HSPB1: variants seen among roughly 807,000 people sequenced by gnomAD.
The protein encoded by HSPB1 is heat shock protein family B (small) member 1.
HSPB1 carries 19 observed loss-of-function variants against 17.0 expected under a neutral mutation model. The ratio of observed to expected loss-of-function variants is 1.12; its 90% CI spans 0.78 to 1.64. The LOEUF is 1.64. HSPB1 is among the 40% of genes most tolerant of loss of function. The probability of loss-of-function intolerance (pLI) is 0.00; values close to 1 mark genes in which losing one functional copy is unlikely to be tolerated. For missense variants in HSPB1, 348 were observed against 289.2 expected, an observed-to-expected ratio of 1.20 and a Z score of -1.47; for synonymous variants, 165 against 129.8, an observed-to-expected ratio of 1.27 and a Z score of -1.84.
Position 76,304,184 on chromosome 7 carries a change from C to G in HSPB1, c.*11C>G. On this transcript the variant is annotated 3_prime_UTR_variant, in exon 3 of 3. Coordinates refer to ENST00000248553, the MANE Select transcript of HSPB1 (RefSeq NM_001540.5). ...ACTGCCGCCAAGTAAAGCCTTAGCC[C>G]GGATGCCCACCCCTGCTGCCGCCAC... 1.9e-6 allele frequency: 3 copies of G among 1,604,542 alleles called. No individual in the cohort carries two copies. Among genetic ancestry groups the G allele is most frequent in the Non-Finnish European group, 2.6e-6 (3 of 1,175,896 alleles).
chr7:76,302,826 GC>G lies in HSPB1; in HGVS notation c.116del (p.Pro39ArgfsTer8). ...ACCAGGCCTTCGGGCTGCCCCGGCT[GC>G]CGGAGGAGTGGTCGCAGTGGTTAGG... ...FDQAFGLPRL[P>X]EEWSQWLGGS... On this transcript the variant is annotated frameshift_variant, in exon 1 of 3. Coordinates refer to ENST00000248553, the MANE Select transcript of HSPB1 (RefSeq NM_001540.5). LOFTEE classifies it high-confidence loss of function. The G allele has an allele frequency of 6.2e-7, 1 of 1,605,738 alleles. No homozygotes were observed. Among genetic ancestry groups the G allele is most frequent in the Non-Finnish European group, 8.5e-7 (1 of 1,178,464 alleles).
intron 1 of HSPB1, chr7:76,303,472 C>G: frequency 1.8e-6 from 1 of 551,728 alleles, no homozygotes. Context: ...CCACCCACAG[C>G]CCCATCCCCA....
At chr7:76,303,551 G>C (rs553153988) in intron 1 of HSPB1, 6 of 585,424 alleles carry the variant, frequency 1.0e-5, no homozygotes, top group African/African-American at 1.9e-5. Context: ...GCGGCTCCAA[G>C]TGCGCCTGCG....
intron 2 of HSPB1, 51 bp from the exon 3 acceptor site, chr7:76,303,933 G>T: frequency 6.2e-7 from 1 of 1,611,202 alleles, no homozygotes; most frequent in Non-Finnish European, 8.5e-7. Context: ...AGGGCACAGG[G>T]ACCCACCCGG....
rs1285887134 is a variant in HSPB1 at position 76,304,215 on chromosome 7, G to A, written c.*42G>A. 1.3e-6 allele frequency: 2 copies of A among 1,546,096 alleles called. No homozygotes were observed. The highest frequency in any genetic ancestry group is 2.3e-5 in the East Asian group (1 of 42,824). On this transcript the variant is annotated 3_prime_UTR_variant, in exon 3 of 3. Transcript: ENST00000248553. ...CCCACCCCTGCTGCCGCCACTGGCTGTGCCTCCCCCGCCACCTGTGTGTTC... is the reference window on the plus strand; with the variant it reads ...CCCACCCCTGCTGCCGCCACTGGCTATGCCTCCCCCGCCACCTGTGTGTTC...
rs1411840093 is a variant in HSPB1 at position 76,304,187 on chromosome 7, A to G, written c.*14A>G. ...GCCGCCAAGTAAAGCCTTAGCCCGG[A>G]TGCCCACCCCTGCTGCCGCCACTGG... On this transcript the variant is annotated 3_prime_UTR_variant, in exon 3 of 3. Coordinates refer to ENST00000248553, the MANE Select transcript of HSPB1 (RefSeq NM_001540.5). 1.2e-6 allele frequency: 2 copies of G among 1,604,206 alleles called. No homozygotes were observed. The highest frequency in any genetic ancestry group is 1.7e-5 in the Admixed American group (1 of 59,004).
rs1803014628 is a variant in HSPB1, at chr7:76,302,772, C to T, written c.60C>T (p.Arg20=). Residue 20 remains arginine, a synonymous_variant, in exon 1 of 3, where the codon CGC becomes CGT. Transcript: ENST00000248553. ...GGGGCCCCAGCTGGGACCCCTTCCG[C>T]GACTGGTACCCGCATAGCCGCCTCT... The part of the protein sequence containing the change: ...LLRGPSWDPF[R]DWYPHSRLFD... 4 of 1,607,780 alleles carry T rather than the reference C, an allele frequency of 2.5e-6. No homozygotes were observed. Among genetic ancestry groups the T allele is most frequent in the Non-Finnish European group, 3.4e-6 (4 of 1,179,522 alleles).
chr7:76,304,276 A>T lies in HSPB1; in HGVS notation c.*103A>T, dbSNP rs1181875488. 8 of 1,231,230 alleles carry T rather than the reference A, an allele frequency of 6.5e-6. No homozygotes were observed. Among genetic ancestry groups the T allele is most frequent in the Non-Finnish European group, 8.2e-6 (7 of 856,510 alleles). The allele number at this position is 1,231,230 out of a possible 1,614,324, so 76.3% of individuals were successfully genotyped here. On this transcript the variant is annotated 3_prime_UTR_variant, in exon 3 of 3. Coordinates refer to ENST00000248553, the MANE Select transcript of HSPB1 (RefSeq NM_001540.5). ...TTTATCTTCTGTTTTTCTCAAATAA[A>T]GTTCAAAGCAACCACCTGTCACTGG... is the stretch of plus-strand genomic sequence containing the variant.
intron 1 of HSPB1, chr7:76,303,308 G>A (rs1254216748): frequency 7.1e-6 from 4 of 564,644 alleles, no homozygotes; most frequent in African/African-American, 3.9e-5. Flanking sequence ...CGGGAGGATC[G>A]CTTGAGGCCA....
At chr7:76,303,133 G>A in intron 1 of HSPB1, 57 bp downstream of exon 1, 1 of 1,490,544 alleles carries the variant, frequency 6.7e-7, no homozygotes, top group Non-Finnish European at 8.9e-7. Context: ...GGGCAGGGCC[G>A]GGGGCGTGCG....
In HSPB1 at chr7:76,304,073, C is replaced by T. The variant is rs1178692879; in HGVS notation, c.518C>T (p.Ala173Val). ...LTVEAPMPKL[A>V]TQSNEITIPV... ...GTGGAGGCCCCCATGCCCAAGCTAG[C>T]CACGCAGTCCAACGAGATCACCATC... The change falls in exon 3 of 3, where the codon GCC (alanine) becomes GTC (valine). Residue 173 changes from alanine (A) to valine (V), a missense_variant. Transcript: ENST00000248553. 27 of 1,613,790 alleles carry T rather than the reference C, an allele frequency of 1.7e-5. No individual in the cohort carries two copies. The highest frequency in any genetic ancestry group is 2.1e-5 in the Non-Finnish European group (25 of 1,179,926).
In HSPB1 at chr7:76,304,292, C is replaced by T. The variant is rs1443513674; in HGVS notation, c.*119C>T. On this transcript the variant is annotated 3_prime_UTR_variant, in exon 3 of 3. Coordinates refer to ENST00000248553, the MANE Select transcript of HSPB1 (RefSeq NM_001540.5). Reference sequence around the variant, plus strand: ...CTCAAATAAAGTTCAAAGCAACCACCTGTCACTGGCCCAGGCCCTGGTGTT... The same window carrying T: ...CTCAAATAAAGTTCAAAGCAACCACTTGTCACTGGCCCAGGCCCTGGTGTT... 20 of 1,064,334 alleles carry T rather than the reference C, an allele frequency of 1.9e-5. No individual in the cohort carries two copies. The highest frequency in any genetic ancestry group is 2.7e-5 in the Non-Finnish European group (19 of 705,012). 65.9% of individuals were successfully genotyped at this position (1,064,334 alleles called of 1,614,324 possible).
intron 1 of HSPB1, chr7:76,303,384 C>CAA (rs546337268): frequency 6.5e-6 from 3 of 460,490 alleles, no homozygotes; most frequent in South Asian, 7.0e-5. Context: ...CGCGCCATTA[C>CAA]AAAAAAAAAG....
chr7:76,303,647 A>C, intron 1 of HSPB1, 155 bp from the exon 2 acceptor site: 1 of 660,426 alleles, frequency 1.5e-6, no homozygotes, highest in South Asian at 1.7e-5. Context: ...CTGAGAGCCC[A>C]GACCGGCGGG....
intron 1 of HSPB1, 24 bp downstream of exon 1, chr7:76,303,100 G>GGAGGAGCAGGCTCCTC: frequency 6.6e-7 from 1 of 1,507,504 alleles, no homozygotes; most frequent in East Asian, 2.5e-5. Context: ...CTCCTGCAGG[G>GGAGGAGCAGGCTCCTC]GAGAGGAGGA....
rs1361722068 is a variant in HSPB1, at chr7:76,304,011, A to G, written c.456A>G (p.Gln152=). Residue 152 remains glutamine (Q), a synonymous_variant, in exon 3 of 3, where the codon CAA becomes CAG. Coordinates refer to ENST00000248553, the MANE Select transcript of HSPB1 (RefSeq NM_001540.5). ...YTLPPGVDPT[Q]VSSSLSPEGT... ...TGCCCCCCGGTGTGGACCCCACCCA[A>G]GTTTCCTCCTCCCTGTCCCCTGAGG... 1 of 1,613,794 alleles carries G rather than the reference A, an allele frequency of 6.2e-7. No individual in the cohort carries two copies.
At chr7:76,303,337 G>T in intron 1 of HSPB1, 1 of 527,876 alleles carries the variant, frequency 1.9e-6, no homozygotes, top group Admixed American at 3.6e-5. Flanking sequence ...AGACTAGCCT[G>T]GGCAACATAG....
At position 76,303,876 on chromosome 7, in the gene HSPB1, G is replaced by A; in HGVS notation, c.428+11G>A. 1.2e-6 allele frequency: 2 copies of A among 1,608,400 alleles called. No individual in the cohort carries two copies. Among genetic ancestry groups the A allele is most frequent in the Non-Finnish European group, 8.5e-7 (1 of 1,176,970 alleles). ...CACGCGGAAATACACGTGAGTCCTG[G>A]CGCCAGGTCGGGGTGGGTGGGTGGC... is the stretch of plus-strand genomic sequence containing the variant. On this transcript the variant is annotated intron_variant, in intron 2 of 2. Coordinates refer to ENST00000248553, the MANE Select transcript of HSPB1 (RefSeq NM_001540.5).
chr7:76,302,951 A>G lies in HSPB1; in HGVS notation c.239A>G (p.Gln80Arg). 1 of 1,545,022 alleles carries G rather than the reference A, an allele frequency of 6.5e-7. No homozygotes were observed. ...GCCTACAGCCGCGCGCTCAGCCGGC[A>G]ACTCAGCAGCGGGGTCTCGGAGATC... ...APAYSRALSRQLSSGVSEIRH... is the reference protein window; with the variant it reads ...APAYSRALSRRLSSGVSEIRH... The change falls in exon 1 of 3, where the codon CAA (glutamine) becomes CGA (arginine). Residue 80 changes from glutamine (Q) to arginine (R), a missense_variant. Gln to Arg is a conservative substitution (Grantham distance 43). Transcript: ENST00000248553.
Sources: allele counts gnomAD v4.1 joint callset, GRCh38; gene constraint gnomAD v4.1.1; transcripts MANE v1.5; gene names NCBI Gene and HGNC (gene_info 2026-07-23, HGNC 2026-07-21).